EXOC4: variants seen among roughly 807,000 people sequenced by gnomAD.
EXOC4 encodes SEC8-like 1.
A neutral mutation model predicts 107.2 loss-of-function variants in EXOC4; 71 were observed. That is an observed-to-expected ratio of 0.66 (90% CI 0.55 to 0.81). EXOC4 has a LOEUF of 0.81. Ranked by LOEUF, EXOC4 falls within the 30% of genes least tolerant of loss-of-function variation. EXOC4 has a pLI of 0.00. For missense variants in EXOC4, 1,108 were observed against 1,189.6 expected, an observed-to-expected ratio of 0.93 and a Z score of 1.01; for synonymous variants, 456 against 441.2, an observed-to-expected ratio of 1.03 and a Z score of -0.42.
intron 13 of EXOC4, among the ~76,000 whole-genome samples, chr7:133,937,583 A>C (rs1279578639): frequency 6.6e-6 from 1 of 152,212 alleles, no homozygotes; most frequent in Non-Finnish European, 1.5e-5. Context: ...CAAGGAAAAC[A>C]CCTACAGGAG....
chr7:133,731,501 G>C (rs574652128), intron 10 of EXOC4, among the ~76,000 whole-genome samples: 1 of 151,958 alleles, frequency 6.6e-6, no homozygotes, highest in South Asian at 2.1e-4. Flanking sequence ...TAGACTTCTA[G>C]AACTACTACT....
At chr7:133,700,473 T>A (rs946313277) in intron 10 of EXOC4, among the ~76,000 whole-genome samples, 1 of 152,190 alleles carries the variant, frequency 6.6e-6, no homozygotes, top group African/African-American at 2.4e-5. Context: ...GACTCTGATA[T>A]GCTCTATAAG....
Position 134,011,601 on chromosome 7 carries a change from A to G in EXOC4, c.2687+3766A>G, listed in dbSNP as rs189801360. Among the ~76,000 whole-genome samples the G allele has an allele frequency of 2.4e-4, 36 of 152,076 alleles. 1 individual carries two copies. The highest frequency in any genetic ancestry group is 2.2e-3 in the Admixed American group (33 of 15,282). ...AAGCGGTAGGGCGAAAAATTGTAAC[A>G]CCCAAGACAGATTCCTCGCCCGGTT... On this transcript the variant is annotated intron_variant, in intron 17 of 17. Transcript: ENST00000253861.
intron 9 of EXOC4, among the ~76,000 whole-genome samples, chr7:133,527,937 A>G (rs935547349): frequency 1.3e-5 from 2 of 152,224 alleles, no homozygotes; most frequent in African/African-American, 4.8e-5. Flanking sequence ...CTTTGAATGT[A>G]TCAGTCATTC....
chr7:133,672,129 C>T (rs553022803), intron 10 of EXOC4, among the ~76,000 whole-genome samples: 8 of 152,194 alleles, frequency 5.3e-5, no homozygotes, highest in South Asian at 2.1e-4. Flanking sequence ...TGGTGGCTCA[C>T]GCCTGTAATC....
At chr7:133,642,217 C>T (rs1333883889) in intron 10 of EXOC4, among the ~76,000 whole-genome samples, 1 of 152,012 alleles carries the variant, frequency 6.6e-6, no homozygotes, top group African/African-American at 2.4e-5. Flanking sequence ...AGACACTGTC[C>T]TTGGCTTTGT....
chr7:133,278,590 G>A (rs776095819), intron 2 of EXOC4, among the ~76,000 whole-genome samples: 58 of 152,240 alleles, frequency 3.8e-4, no homozygotes, highest in Non-Finnish European at 6.6e-4. Flanking sequence ...CATGATTGGA[G>A]GTTTGGAGCA....
chr7:133,807,492 G>T (rs1225120419), intron 10 of EXOC4, among the ~76,000 whole-genome samples: 2 of 151,992 alleles, frequency 1.3e-5, no homozygotes, highest in Non-Finnish European at 2.9e-5. Flanking sequence ...CTAAAACAGA[G>T]TATATTTAAT....
At chr7:133,458,463 G>A (rs1469042234) in intron 7 of EXOC4, among the ~76,000 whole-genome samples, 1 of 152,166 alleles carries the variant, frequency 6.6e-6, no homozygotes, top group Non-Finnish European at 1.5e-5. Context: ...AGGGACACAG[G>A]TGCAGCAAAT....
Position 133,904,413 on chromosome 7 carries a change from G to A in EXOC4, c.1871+8678G>A, listed in dbSNP as rs147965263. ...ATTTCTCTGTCATTCATATTTTACC[G>A]CTTTGTCCAAACAGCAAACTCTATC... On this transcript the variant is annotated intron_variant, in intron 12 of 17. Coordinates refer to ENST00000253861, the MANE Select transcript of EXOC4 (RefSeq NM_021807.4). Among the ~76,000 whole-genome samples the A allele has an allele frequency of 1.2e-3, 188 of 152,252 alleles. 1 individual carries two copies. The highest frequency in any genetic ancestry group is 4.1e-3 in the African/African-American group (169 of 41,540).
chr7:133,430,266 C>T (rs1363065390), intron 7 of EXOC4, among the ~76,000 whole-genome samples: 1 of 152,200 alleles, frequency 6.6e-6, no homozygotes, highest in Non-Finnish European at 1.5e-5. Flanking sequence ...CTGCAATGCT[C>T]TGTTCCTCTG....
At chr7:133,328,251 C>G (rs1323062215) in intron 5 of EXOC4, among the ~76,000 whole-genome samples, 1 of 143,252 alleles carries the variant, frequency 7.0e-6, no homozygotes, top group East Asian at 2.0e-4. Flanking sequence ...GATTGCAACC[C>G]CTGTTTTTTT....
chr7:133,512,027 G>T (rs2150899693), intron 9 of EXOC4, among the ~76,000 whole-genome samples: 1 of 152,304 alleles, frequency 6.6e-6, no homozygotes, highest in Middle Eastern at 3.4e-3. Context: ...AGACAAAATG[G>T]ATCCTACTCT....
intron 7 of EXOC4, among the ~76,000 whole-genome samples, chr7:133,473,500 A>T (rs1295341076): frequency 1.3e-5 from 2 of 152,120 alleles, no homozygotes; most frequent in Non-Finnish European, 2.9e-5. Flanking sequence ...ATTCTCTTGC[A>T]GTATTGACCC....
chr7:133,736,161 C>G (rs1167923447), intron 10 of EXOC4, among the ~76,000 whole-genome samples: 1 of 152,162 alleles, frequency 6.6e-6, no homozygotes, highest in African/African-American at 2.4e-5. Context: ...TGCTCATTCT[C>G]TCCTTATCCT....
chr7:133,708,105 A>G (rs1397837878), intron 10 of EXOC4, among the ~76,000 whole-genome samples: 1 of 152,232 alleles, frequency 6.6e-6, no homozygotes, highest in Non-Finnish European at 1.5e-5. Flanking sequence ...AGTTGGAAGT[A>G]GGAGTACTGA....
chr7:134,040,745 A>G (rs1795495987), intron 17 of EXOC4, among the ~76,000 whole-genome samples: 2 of 152,340 alleles, frequency 1.3e-5, no homozygotes, highest in South Asian at 4.1e-4. Context: ...TCAATTAACA[A>G]TATTTGTAAT....
intron 7 of EXOC4, among the ~76,000 whole-genome samples, chr7:133,384,158 A>G (rs1218516610): frequency 6.6e-6 from 1 of 152,156 alleles, no homozygotes; most frequent in Admixed American, 6.6e-5. Context: ...TGTCTAATGC[A>G]TAGTGAAGTG....
intron 11 of EXOC4, among the ~76,000 whole-genome samples, chr7:133,821,005 G>A (rs1797508222): frequency 6.6e-6 from 1 of 152,210 alleles, no homozygotes; most frequent in Non-Finnish European, 1.5e-5. Flanking sequence ...CAGTAGGAAG[G>A]AAGAGATGAC....
Sources: allele counts gnomAD v4.1 joint callset (sites outside exome capture counted in the v4.1 genomes callset), GRCh38; gene constraint gnomAD v4.1.1; transcripts MANE v1.5; gene names NCBI Gene and HGNC (gene_info 2026-07-23, HGNC 2026-07-21).